PCDHGA5: variants seen among roughly 807,000 people sequenced by gnomAD.
PCDHGA5 encodes protocadherin gamma-A5.
A neutral mutation model predicts 56.7 loss-of-function variants in PCDHGA5; 36 were observed. That is an observed-to-expected ratio of 0.64 (90% CI 0.49 to 0.84). The LOEUF is 0.84. Among genes scored for constraint, PCDHGA5 ranks in the 40% least tolerant of loss-of-function variants. PCDHGA5 has a pLI of 0.00. For missense variants in PCDHGA5, 1,305 were observed against 1,201.5 expected, an observed-to-expected ratio of 1.09 and a Z score of -1.27; for synonymous variants, 563 against 520.2, an observed-to-expected ratio of 1.08 and a Z score of -1.12.
At chr5:141,418,149 AAG>A (rs768024698) in intron 1 of PCDHGA5, 1 of 1,613,982 alleles carries the variant, frequency 6.2e-7, no homozygotes, top group Non-Finnish European at 8.5e-7. Flanking sequence ...CAAATATGCA[AAG>A]AGAGAAGAAG....
chr5:141,485,441 A>T lies in PCDHGA5; in HGVS notation c.2422-9366A>T. On this transcript the variant is annotated intron_variant, in intron 1 of 3. Coordinates refer to ENST00000518069, the MANE Select transcript of PCDHGA5 (RefSeq NM_018918.3). The surrounding 1 kb of genome is among the most constrained non-coding windows in gnomAD (Gnocchi z 5.7). ...CGGAGCCCTGCTCATCAAGAACCCA[A>T]TCGACCGAGAGGCACTGTGTGGGCT... is the stretch of plus-strand genomic sequence containing the variant. The T allele has an allele frequency of 6.2e-7, 1 of 1,613,910 alleles. No homozygotes were observed. The highest frequency in any genetic ancestry group is 1.1e-5 in the South Asian group (1 of 91,062).
chr5:141,455,580 T>G (rs572453788), intron 1 of PCDHGA5, among the ~76,000 whole-genome samples: 26 of 152,142 alleles, frequency 1.7e-4, no homozygotes, highest in Middle Eastern at 3.2e-3. Context: ...ACCCCAGCCT[T>G]TTAATATGCA....
intron 1 of PCDHGA5, chr5:141,399,545 C>T (rs978973236): frequency 6.2e-7 from 1 of 1,614,050 alleles, no homozygotes; most frequent in African/African-American, 1.3e-5. Flanking sequence ...GTCTGCGCCT[C>T]GGACCTGGAC....
Position 141,486,772 on chromosome 5 carries a change from T to A in PCDHGA5, c.2422-8035T>A. ...ATGAGCAAACCCAGACACTGCAGTT[T>A]GAGGTGCAGGCCCGGGATCGGGGCA... is the stretch of plus-strand genomic sequence containing the variant. On this transcript the variant is annotated intron_variant, in intron 1 of 3. Coordinates refer to ENST00000518069, the MANE Select transcript of PCDHGA5 (RefSeq NM_018918.3). The surrounding 1 kb of genome is among the most constrained non-coding windows in gnomAD (Gnocchi z 5.0). 1 of 1,614,246 alleles carries A rather than the reference T, an allele frequency of 6.2e-7. No homozygotes were observed. Among genetic ancestry groups the A allele is most frequent in the South Asian group, 1.1e-5 (1 of 91,088 alleles).
At chr5:141,389,512 A>T in intron 1 of PCDHGA5, 1 of 1,613,138 alleles carries the variant, frequency 6.2e-7, no homozygotes, top group Non-Finnish European at 8.5e-7. Context: ...CTCAGCGCGA[A>T]CGTGAGCCTG....
intron 1 of PCDHGA5, chr5:141,418,727 C>T: frequency 6.2e-7 from 1 of 1,613,976 alleles, no homozygotes; most frequent in Non-Finnish European, 8.5e-7. Flanking sequence ...CAAAGCTCAG[C>T]ACGTGTTCTC....
intron 1 of PCDHGA5, chr5:141,378,047 TC>T (rs1257560476): frequency 1.3e-5 from 2 of 152,202 alleles, no homozygotes; most frequent in Non-Finnish European, 2.9e-5. Flanking sequence ...ACTTTCCTTA[TC>T]TATCTGACTC....
chr5:141,466,669 C>T lies in PCDHGA5; in HGVS notation c.2422-28138C>T, dbSNP rs529252130. The stretch of plus-strand genomic sequence containing the variant: ...TTTCACAAAACATCAGTGATTTCAC[C>T]GTTCTTCCACTCAAGCTTCATCATA... On this transcript the variant is annotated intron_variant, in intron 1 of 3. Transcript: ENST00000518069. Among the ~76,000 whole-genome samples the T allele has an allele frequency of 8.5e-5, 13 of 152,278 alleles. No homozygotes were observed. The East Asian group carries it at 9.6e-4, about 11-fold the overall frequency.
rs553587727 is a variant in PCDHGA5, at chr5:141,419,523, G to A, written c.2421+52772G>A. The A allele has an allele frequency of 2.1e-4, 343 of 1,612,204 alleles. 3 individuals are homozygous for A. The South Asian group carries it at 3.5e-3, about 17-fold the overall frequency. ...AGCCTGCGCGTGTTGGTGGGCGACC[G>A]TAACGACAACGCACCGCGGGTGCTG... On this transcript the variant is annotated intron_variant, in intron 1 of 3. Coordinates refer to ENST00000518069, the MANE Select transcript of PCDHGA5 (RefSeq NM_018918.3).
chr5:141,433,358 C>CGTAT, intron 1 of PCDHGA5: 1 of 503,368 alleles, frequency 2.0e-6, no homozygotes, highest in Non-Finnish European at 3.5e-6. Context: ...CTACTGTCTG[C>CGTAT]CTATCTATCT....
Position 141,366,326 on chromosome 5 carries a change from G to A in PCDHGA5, c.1996G>A (p.Asp666Asn), listed in dbSNP as rs377206764. The part of the protein sequence containing the change: ...ATFTVTVAVA[D>N]RIPDILADLG... ...CTTCACGGTCACCGTTGCCGTGGCCGACAGGATCCCTGACATCCTGGCTGA... is the reference window on the plus strand; with the variant it reads ...CTTCACGGTCACCGTTGCCGTGGCCAACAGGATCCCTGACATCCTGGCTGA... The change falls in exon 1 of 4, where the codon GAC (aspartate) becomes AAC (asparagine). Residue 666 changes from aspartate (D) to asparagine (N), a missense_variant. Physicochemically the swap from Asp to Asn is conservative, Grantham distance 23. Coordinates refer to ENST00000518069, the MANE Select transcript of PCDHGA5 (RefSeq NM_018918.3). 4 of 1,613,810 alleles carry A rather than the reference G, an allele frequency of 2.5e-6. No individual in the cohort carries two copies. The African/African-American group carries it at 4.0e-5, about 16-fold the overall frequency.
intron 1 of PCDHGA5, among the ~76,000 whole-genome samples, chr5:141,406,261 C>T (rs2154537343): frequency 6.6e-6 from 1 of 152,132 alleles, no homozygotes; most frequent in African/African-American, 2.4e-5. Flanking sequence ...CTCAAACGAT[C>T]TTCCTGCTTC....
chr5:141,369,924 C>T (rs1175657292), intron 1 of PCDHGA5, among the ~76,000 whole-genome samples: 1 of 152,092 alleles, frequency 6.6e-6, no homozygotes, highest in East Asian at 1.9e-4. Context: ...AAACTAAAAA[C>T]GTGACGGGAT....
intron 1 of PCDHGA5, chr5:141,378,580 C>T (rs999014628): frequency 2.6e-5 from 4 of 152,056 alleles, no homozygotes; most frequent in Non-Finnish European, 5.9e-5. Flanking sequence ...AAAACATGCT[C>T]GGTAGTGTCT....
rs1008664105 is a variant in PCDHGA5, at chr5:141,432,402, T to C, written c.2422-62405T>C. 6.2e-7 allele frequency: 1 copy of C among 1,614,194 alleles called. No homozygotes were observed. The highest frequency in any genetic ancestry group is 1.1e-5 in the South Asian group (1 of 91,082). On this transcript the variant is annotated intron_variant, in intron 1 of 3. Transcript: ENST00000518069. The surrounding 1 kb of genome is among the most constrained non-coding windows in gnomAD (Gnocchi z 6.0). ...CCGCCCCTCAGCAGCAACGTGTCGT[T>C]GAGCCTGTTCGTGCTGGACCAGAAC...
chr5:141,391,929 T>C (rs1035871197), intron 1 of PCDHGA5: 1 of 152,214 alleles, frequency 6.6e-6, no homozygotes, highest in African/African-American at 2.4e-5. Flanking sequence ...ATCTGTACCT[T>C]TCAAGTATTC....
chr5:141,408,219 C>T (rs560438654), intron 1 of PCDHGA5: 4 of 1,557,930 alleles, frequency 2.6e-6, no homozygotes, highest in East Asian at 4.8e-5. Flanking sequence ...GGGAGCTGCG[C>T]GCAGAGGCGC....
rs373882091 is a variant in PCDHGA5 at position 141,432,369 on chromosome 5, A to T, written c.2422-62438A>T. 1.2e-6 allele frequency: 2 copies of T among 1,614,104 alleles called. No homozygotes were observed. Among genetic ancestry groups the T allele is most frequent in the African/African-American group, 2.7e-5 (2 of 74,938 alleles). On this transcript the variant is annotated intron_variant, in intron 1 of 3. Transcript: ENST00000518069. The surrounding 1 kb of genome is among the most constrained non-coding windows in gnomAD (Gnocchi z 6.0). Reference sequence around the variant, plus strand: ...CAAGTGAAAGTGATGGCGCGGGACAACGGGCACCCGCCCCTCAGCAGCAAC... The same window carrying T: ...CAAGTGAAAGTGATGGCGCGGGACATCGGGCACCCGCCCCTCAGCAGCAAC...
chr5:141,451,536 G>A (rs1183287437), intron 1 of PCDHGA5, among the ~76,000 whole-genome samples: 1 of 152,202 alleles, frequency 6.6e-6, no homozygotes, highest in Non-Finnish European at 1.5e-5. Context: ...GAGAGTGCCA[G>A]AGAGGGCAAA....
Sources: allele counts gnomAD v4.1 joint callset (sites outside exome capture counted in the v4.1 genomes callset), GRCh38; gene constraint gnomAD v4.1.1; non-coding constraint Gnocchi (gnomAD v3.1); transcripts MANE v1.5; gene names NCBI Gene and HGNC (gene_info 2026-07-23, HGNC 2026-07-21).